Variants in CHSY3 observed in about 807,000 individuals in gnomAD.
CHSY3 encodes the protein chondroitin sulfate synthase 3, also known as N-acetylgalactosaminyl-proteoglycan 3-beta-glucuronosyltransferase 3.
A neutral mutation model predicts 67.2 loss-of-function variants in CHSY3; 35 were observed. That is an observed-to-expected ratio of 0.52 (90% CI 0.40 to 0.69). The LOEUF is 0.69. Ranked by LOEUF, CHSY3 falls within the 30% of genes least tolerant of loss-of-function variation. CHSY3 has a pLI of 0.00. For synonymous variants in CHSY3, 474 were observed against 434.7 expected (o/e 1.09, Z -1.12); for missense variants, 1,069 against 1,138.5 (o/e 0.94, Z 0.88).
At chr5:130,041,929 T>A (rs1299711480) in intron 2 of CHSY3, among the ~76,000 whole-genome samples, 1 of 152,076 alleles carries the variant, frequency 6.6e-6, no homozygotes, top group African/African-American at 2.4e-5. Flanking sequence ...TTCTACATAA[T>A]TTTAAGGAAG....
intron 2 of CHSY3, among the ~76,000 whole-genome samples, chr5:130,019,555 A>G (rs749920480): frequency 2.7e-4 from 41 of 152,200 alleles, no homozygotes; most frequent in Non-Finnish European, 4.0e-4. Context: ...CTTCTCCCTT[A>G]GATCACTGCA....
intron 2 of CHSY3, among the ~76,000 whole-genome samples, chr5:129,927,448 TC>T (rs1761154563): frequency 6.6e-6 from 1 of 152,014 alleles, no homozygotes; most frequent in African/African-American, 2.4e-5. Context: ...CCTTAAAATA[TC>T]CAAGCTTGTA....
chr5:129,945,329 C>T (rs1192377118), intron 2 of CHSY3, among the ~76,000 whole-genome samples: 3 of 152,116 alleles, frequency 2.0e-5, no homozygotes, highest in Non-Finnish European at 4.4e-5. Flanking sequence ...GGCCAAACAT[C>T]CCAAGAAAAG....
At chr5:130,036,287 G>C (rs1764861012) in intron 2 of CHSY3, among the ~76,000 whole-genome samples, 1 of 152,014 alleles carries the variant, frequency 6.6e-6, no homozygotes, top group Admixed American at 6.6e-5. Context: ...TTCTCACTTT[G>C]TTTGACAAGA....
At chr5:130,182,794 A>T (rs1215321194) in intron 2 of CHSY3, among the ~76,000 whole-genome samples, 2 of 151,486 alleles carry the variant, frequency 1.3e-5, no homozygotes. Context: ...TACTTTGCTA[A>T]TTTTTTTCAA....
chr5:130,125,452 T>TAGATAGATAGATAGAC (rs1200470666), intron 2 of CHSY3, among the ~76,000 whole-genome samples: 50 of 151,914 alleles, frequency 3.3e-4, no homozygotes, highest in African/African-American at 1.2e-3. Flanking sequence ...GATAGATAGA[T>TAGATAGATAGATAGAC]AGACAGACAG....
chr5:129,991,628 A>C (rs1763369846), intron 2 of CHSY3, among the ~76,000 whole-genome samples: 1 of 152,148 alleles, frequency 6.6e-6, no homozygotes, highest in African/African-American at 2.4e-5. Flanking sequence ...CCACTGTTAC[A>C]ATTATGAAAT....
At chr5:129,994,550 T>C (rs941999388) in intron 2 of CHSY3, among the ~76,000 whole-genome samples, 2 of 152,086 alleles carry the variant, frequency 1.3e-5, no homozygotes, top group African/African-American at 4.8e-5. Context: ...CATGCCATGG[T>C]TTTCATACCG....
intron 2 of CHSY3, among the ~76,000 whole-genome samples, chr5:129,910,930 T>G (rs1359283003): frequency 6.6e-6 from 1 of 151,872 alleles, no homozygotes; most frequent in East Asian, 1.9e-4. Context: ...TGATAGAATT[T>G]TGGTAAATTT....
rs568347499 is a variant in CHSY3, at chr5:130,098,513, A to G, written c.1087-85716A>G. ...CTGGCTGTGTGACCTTGCACAAATA[A>G]GACTTCTCTGAAACAAAGTTTTCTT... On this transcript the variant is annotated intron_variant, in intron 2 of 2. Transcript: ENST00000305031. Among the ~76,000 whole-genome samples, 13 of 152,316 alleles carry G rather than the reference A, an allele frequency of 8.5e-5. 1 individual carries two copies. In the East Asian group the frequency reaches 2.5e-3, roughly 29 times the overall value.
chr5:130,021,589 TCA>T (rs1317373307), intron 2 of CHSY3, among the ~76,000 whole-genome samples: 2 of 152,084 alleles, frequency 1.3e-5, no homozygotes, highest in East Asian at 3.9e-4. Context: ...TCACACTCTC[TCA>T]CACACACATA....
Position 130,088,346 on chromosome 5 carries a change from A to G in CHSY3, c.1087-95883A>G, listed in dbSNP as rs766608071. On this transcript the variant is annotated intron_variant, in intron 2 of 2. Transcript: ENST00000305031. ...GTCTAAAACACCAAAAGCAATGGCA[A>G]CAAAAGCCAAAATTGACAAATTAAA... 3.2e-4 allele frequency among the ~76,000 whole-genome samples: 48 copies of G among 147,764 alleles called. 2 individuals are homozygous for G. Among genetic ancestry groups the G allele is most frequent in the Non-Finnish European group, 6.1e-4 (41 of 67,494 alleles).
At chr5:130,076,864 G>A (rs1242777165) in intron 2 of CHSY3, among the ~76,000 whole-genome samples, 4 of 149,412 alleles carry the variant, frequency 2.7e-5, no homozygotes, top group Non-Finnish European at 4.4e-5. Flanking sequence ...ACCAAACACC[G>A]CATATTCTCA....
At chr5:130,024,417 A>C (rs1764481015) in intron 2 of CHSY3, among the ~76,000 whole-genome samples, 1 of 152,084 alleles carries the variant, frequency 6.6e-6, no homozygotes, top group South Asian at 2.1e-4. Context: ...AATGTAAGGA[A>C]AGTGCCTTTC....
At chr5:129,915,649 T>C (rs1209088240) in intron 2 of CHSY3, among the ~76,000 whole-genome samples, 1 of 152,186 alleles carries the variant, frequency 6.6e-6, no homozygotes, top group Non-Finnish European at 1.5e-5. Flanking sequence ...TCATTATTTT[T>C]TATTGCAAAG....
intron 2 of CHSY3, among the ~76,000 whole-genome samples, chr5:130,162,085 A>T (rs930368049): frequency 6.8e-6 from 1 of 147,666 alleles, no homozygotes; most frequent in African/African-American, 2.5e-5. Flanking sequence ...AAAAGTTAAG[A>T]CTATCCTTGT....
At chr5:130,090,837 C>T (rs560827102) in intron 2 of CHSY3, among the ~76,000 whole-genome samples, 1 of 152,224 alleles carries the variant, frequency 6.6e-6, no homozygotes, top group South Asian at 2.1e-4. Flanking sequence ...ATTAATACTT[C>T]CCAACACAGA....
chr5:129,943,121 C>T (rs1761747376), intron 2 of CHSY3, among the ~76,000 whole-genome samples: 1 of 152,036 alleles, frequency 6.6e-6, no homozygotes, highest in African/African-American at 2.4e-5. Context: ...ATATTTGTGT[C>T]CATTTTTTCT....
chr5:130,183,953 T>C (rs1770329508), intron 2 of CHSY3, among the ~76,000 whole-genome samples: 1 of 121,136 alleles, frequency 8.3e-6, no homozygotes, highest in Non-Finnish European at 1.9e-5. Context: ...ATTAGCTAGA[T>C]TTACTCATCC....
Sources: allele counts gnomAD v4.1 joint callset (sites outside exome capture counted in the v4.1 genomes callset), GRCh38; gene constraint gnomAD v4.1.1; transcripts MANE v1.5; gene names NCBI Gene and HGNC (gene_info 2026-07-23, HGNC 2026-07-21).